RIN2: variants seen among roughly 807,000 people sequenced by gnomAD.
RIN2 encodes the protein Ras and Rab interactor 2.
RIN2 carries 36 observed loss-of-function variants against 78.0 expected under a neutral mutation model. The ratio of observed to expected loss-of-function variants is 0.46; its 90% confidence interval spans 0.35 to 0.61. The LOEUF (loss-of-function observed/expected upper bound fraction) is 0.61, where lower values mean the gene tolerates loss of function less well. Among genes scored for constraint, RIN2 ranks in the 20% least tolerant of loss-of-function variants. RIN2 has a pLI of 0.00. For synonymous variants in RIN2, 466 were observed against 466.8 expected (o/e 1.00, Z 0.02); for missense variants, 1,087 against 1,159.7 (o/e 0.94, Z 0.91).
chr20:19,923,143 C>T (rs1023812131), intron 3 of RIN2, among the ~76,000 whole-genome samples: 5 of 152,142 alleles, frequency 3.3e-5, no homozygotes, highest in Admixed American at 2.0e-4. Flanking sequence ...AAGAGGCCAG[C>T]GCGGTAGCTC....
At chr20:19,976,033 C>T (rs968641683) in intron 9 of RIN2, among the ~76,000 whole-genome samples, 15 of 152,242 alleles carry the variant, frequency 9.9e-5, no homozygotes, top group African/African-American at 3.6e-4. Flanking sequence ...GAGTTTGGTC[C>T]TCTGTGGGTC....
chr20:19,940,268 C>T (rs2040813026), intron 4 of RIN2, among the ~76,000 whole-genome samples: 4 of 152,198 alleles, frequency 2.6e-5, no homozygotes, highest in East Asian at 1.9e-4. Context: ...ATAGAGCACG[C>T]ACTCGCAAGT....
At chr20:19,931,658 G>A (rs923238861) in intron 3 of RIN2, among the ~76,000 whole-genome samples, 17 of 148,644 alleles carry the variant, frequency 1.1e-4, no homozygotes, top group Non-Finnish European at 1.5e-4. Context: ...TGTTGGGAAC[G>A]TTTGCATGGT....
intron 4 of RIN2, among the ~76,000 whole-genome samples, chr20:19,950,759 G>A (rs1319516602): frequency 1.3e-5 from 2 of 151,948 alleles, no homozygotes; most frequent in Non-Finnish European, 2.9e-5. Flanking sequence ...CACCCAGGCT[G>A]GAGTGCAATG....
In RIN2 at chr20:19,944,690, C is replaced by CTTT. The variant is rs11474376; in HGVS notation, c.158+9499_158+9501dup. On this transcript the variant is annotated intron_variant, in intron 4 of 12. Transcript: ENST00000255006. ...AACACAAAAATATCAAGAGAAGTGGCTTTTTTTTTTCTTTTTCCATCTGAA... is the reference window on the plus strand; with the variant it reads ...AACACAAAAATATCAAGAGAAGTGGCTTTTTTTTTTTTTCTTTTTCCATCTGAA... Among the ~76,000 whole-genome samples the CTTT allele has an allele frequency of 0.013, 2,002 of 149,050 alleles. 94 individuals carry two copies. In the East Asian group the frequency reaches 0.17, roughly 13 times the overall value.
chr20:19,766,551 G>A (rs1360194698), intron 1 of RIN2, among the ~76,000 whole-genome samples: 2 of 152,134 alleles, frequency 1.3e-5, no homozygotes, highest in African/African-American at 2.4e-5. Context: ...TGGAAGAGAT[G>A]TCTAAGCTAC....
At chr20:19,923,188 C>T (rs1050433581) in intron 3 of RIN2, among the ~76,000 whole-genome samples, 9 of 151,938 alleles carry the variant, frequency 5.9e-5, no homozygotes, top group Admixed American at 4.6e-4. Context: ...GAGGCTGAGG[C>T]GGGTGGATCA....
intron 9 of RIN2, among the ~76,000 whole-genome samples, chr20:19,988,388 G>A (rs2042686627): frequency 6.6e-6 from 1 of 152,216 alleles, no homozygotes; most frequent in South Asian, 2.1e-4. Flanking sequence ...CCAAAGTGCT[G>A]GGATTACAGT....
At chr20:19,811,570 G>A (rs2035600211) in intron 2 of RIN2, among the ~76,000 whole-genome samples, 1 of 152,152 alleles carries the variant, frequency 6.6e-6, no homozygotes, top group South Asian at 2.1e-4. Flanking sequence ...CCATCACAGG[G>A]TGCTTAAGAG....
At chr20:19,959,784 C>G (rs1233272780) in intron 5 of RIN2, among the ~76,000 whole-genome samples, 1 of 152,180 alleles carries the variant, frequency 6.6e-6, no homozygotes, top group African/African-American at 2.4e-5. Flanking sequence ...AACCAGGACT[C>G]AGCTGGGCTG....
At chr20:19,954,562 G>A (rs2041454719) in intron 4 of RIN2, among the ~76,000 whole-genome samples, 1 of 152,184 alleles carries the variant, frequency 6.6e-6, no homozygotes, top group Non-Finnish European at 1.5e-5. Context: ...ATCCTGACCT[G>A]AGCTAAGACT....
chr20:19,831,668 T>C (rs2036255502), intron 2 of RIN2, among the ~76,000 whole-genome samples: 4 of 151,704 alleles, frequency 2.6e-5, no homozygotes, highest in Admixed American at 2.0e-4. Context: ...CCTGATACAT[T>C]TGAACCCATC....
At chr20:19,889,939 C>G (rs533073033) in intron 3 of RIN2, among the ~76,000 whole-genome samples, 1 of 152,256 alleles carries the variant, frequency 6.6e-6, no homozygotes, top group South Asian at 2.1e-4. Flanking sequence ...TCAGTTTGTC[C>G]TTTTTCAGCT....
At chr20:19,992,323 A>G in intron 11 of RIN2, 24 bp downstream of exon 11, 3 of 1,540,556 alleles carry the variant, frequency 1.9e-6, no homozygotes, top group Non-Finnish European at 1.8e-6. Flanking sequence ...AGAAAAGTTG[A>G]AGGAACTGGG....
intron 9 of RIN2, among the ~76,000 whole-genome samples, chr20:19,984,371 A>T (rs78651464): frequency 6.6e-6 from 1 of 152,230 alleles, no homozygotes; most frequent in Non-Finnish European, 1.5e-5. Flanking sequence ...CCTGGACAGC[A>T]TGTGACATAC....
rs186733926 is a variant in RIN2, at chr20:19,876,615, C to T, written c.-36-12951C>T. 1.4e-4 allele frequency among the ~76,000 whole-genome samples: 21 copies of T among 152,130 alleles called. 1 individual carries two copies. Among genetic ancestry groups the T allele is most frequent in the Admixed American group, 1.4e-3 (21 of 15,274 alleles). On this transcript the variant is annotated intron_variant, in intron 2 of 12. Coordinates refer to ENST00000255006, the MANE Select transcript of RIN2 (RefSeq NM_018993.4). ...AAAAGCCCTTTATAAATCAAAATAC[C>T]ACATACCGGCTGGGTGCTGTGGCTC...
intron 2 of RIN2, among the ~76,000 whole-genome samples, chr20:19,812,007 T>C (rs955999639): frequency 6.6e-6 from 1 of 152,130 alleles, no homozygotes. Context: ...CTACTCCCAC[T>C]CAACATAGTG....
rs372515582 is a variant in RIN2, at chr20:19,990,320, G to T, written c.2068+9G>T. On this transcript the variant is annotated intron_variant, in intron 10 of 12. Transcript: ENST00000255006. ...CATGGAGAACAACTCAGGTGAGGCC[G>T]CTGGAAGCCCAGGCTTCGTGCCGCT... 1 of 1,597,670 alleles carries T rather than the reference G, an allele frequency of 6.3e-7. No homozygotes were observed. The highest frequency in any genetic ancestry group is 1.7e-5 in the Admixed American group (1 of 59,252).
At chr20:19,792,194 C>G (rs2034908354) in intron 1 of RIN2, among the ~76,000 whole-genome samples, 1 of 152,200 alleles carries the variant, frequency 6.6e-6, no homozygotes, top group African/African-American at 2.4e-5. Context: ...CCACTTCCAG[C>G]TGGCGTGGTT....
Sources: allele counts gnomAD v4.1 joint callset (sites outside exome capture counted in the v4.1 genomes callset), GRCh38; gene constraint gnomAD v4.1.1; transcripts MANE v1.5; gene names NCBI Gene and HGNC (gene_info 2026-07-23, HGNC 2026-07-21).